Variants in SLC24A2 observed in about 807,000 individuals in gnomAD.
The protein encoded by SLC24A2 is sodium/potassium/calcium exchanger 2.
Under a neutral mutation model 62.0 loss-of-function variants are expected in SLC24A2, and 36 were observed. The observed-to-expected ratio is 0.58, with a 90% confidence interval of 0.44 to 0.77. SLC24A2 has a LOEUF of 0.77. Ranked by LOEUF, SLC24A2 falls within the 30% of genes least tolerant of loss-of-function variation. SLC24A2 has a pLI of 0.00. For synonymous variants in SLC24A2, 358 were observed against 294.0 expected (o/e 1.22, Z -2.23); for missense variants, 846 against 817.9 (o/e 1.03, Z -0.42).
At chr9:20,221,672 T>C in the SLC24A2 span, among the ~76,000 whole-genome samples, 2 of 151,980 alleles carry the variant, frequency 1.3e-5, no homozygotes, top group Non-Finnish European at 2.9e-5. Flanking sequence ...AGATACACTG[T>C]AACAAACCGG....
chr9:19,597,288 T>A lies in SLC24A2; in HGVS notation c.1079-9A>T. The A allele has an allele frequency of 6.5e-7, 1 of 1,546,148 alleles. No individual in the cohort carries two copies. Among genetic ancestry groups the A allele is most frequent in the Non-Finnish European group, 8.9e-7 (1 of 1,118,278 alleles). On this transcript the variant is annotated splice_polypyrimidine_tract_variant and intron_variant, in intron 4 of 10. Coordinates refer to ENST00000341998, the MANE Select transcript of SLC24A2 (RefSeq NM_020344.4). Reference sequence around the variant, plus strand: ...TCCATATGATCCAAGTTCTACAACATCACAGTAAAAGACACAAAGATAAGG... The same window carrying A: ...TCCATATGATCCAAGTTCTACAACAACACAGTAAAAGACACAAAGATAAGG...
chr9:20,274,208 T>C, the SLC24A2 span, among the ~76,000 whole-genome samples: 1 of 152,080 alleles, frequency 6.6e-6, no homozygotes, highest in Non-Finnish European at 1.5e-5. Flanking sequence ...ATGCCAGCTG[T>C]TGTGGCTTCA....
At chr9:20,086,888 C>T in the SLC24A2 span, among the ~76,000 whole-genome samples, 1 of 152,214 alleles carries the variant, frequency 6.6e-6, no homozygotes, top group Non-Finnish European at 1.5e-5. Flanking sequence ...TCTTGAGCCA[C>T]ACTTACAAGA....
intron 2 of SLC24A2, among the ~76,000 whole-genome samples, chr9:19,694,857 T>G (rs542016159): frequency 2.0e-5 from 3 of 152,250 alleles, no homozygotes; most frequent in African/African-American, 7.2e-5. Context: ...AGGGCAAGCA[T>G]GGCATACAGA....
the SLC24A2 span, among the ~76,000 whole-genome samples, chr9:20,035,053 C>T: frequency 6.8e-6 from 1 of 147,512 alleles, no homozygotes; most frequent in South Asian, 2.1e-4. Flanking sequence ...GAAAAAAGTA[C>T]CATATTATTA....
the SLC24A2 span, among the ~76,000 whole-genome samples, chr9:19,943,686 C>T: frequency 6.6e-6 from 1 of 152,180 alleles, no homozygotes; most frequent in East Asian, 1.9e-4. Context: ...ACCCAAGACA[C>T]AGAATGGTAT....
chr9:19,795,393 TC>T, the SLC24A2 span, among the ~76,000 whole-genome samples: 3 of 151,874 alleles, frequency 2.0e-5, no homozygotes, highest in Non-Finnish European at 4.4e-5. Flanking sequence ...CACTTGCCTC[TC>T]TTTTTGCTCA....
At chr9:19,826,586 A>T in the SLC24A2 span, among the ~76,000 whole-genome samples, 3 of 152,188 alleles carry the variant, frequency 2.0e-5, no homozygotes, top group African/African-American at 7.2e-5. Context: ...TCTGCCTGCA[A>T]GTTGGCCCCT....
chr9:19,756,572 G>T (rs1373029628), intron 2 of SLC24A2, among the ~76,000 whole-genome samples: 1 of 152,154 alleles, frequency 6.6e-6, no homozygotes, highest in East Asian at 1.9e-4. Context: ...GTTGTCAGAA[G>T]TCCAGGCCCA....
chr9:20,024,880 G>T, the SLC24A2 span, among the ~76,000 whole-genome samples: 1 of 152,070 alleles, frequency 6.6e-6, no homozygotes, highest in African/African-American at 2.4e-5. Context: ...GACATCTGTT[G>T]ACTTACTGAG....
the SLC24A2 span, among the ~76,000 whole-genome samples, chr9:20,239,003 GCT>G: frequency 6.6e-6 from 1 of 152,190 alleles, no homozygotes; most frequent in Admixed American, 6.5e-5. Context: ...CAGGAAGAGA[GCT>G]CTCACCAGAA....
intron 7 of SLC24A2, among the ~76,000 whole-genome samples, chr9:19,570,843 C>A (rs781598581): frequency 1.3e-5 from 2 of 152,126 alleles, no homozygotes; most frequent in African/African-American, 2.4e-5. Flanking sequence ...GCCATGGTGA[C>A]CTGCAGGCCC....
intron 2 of SLC24A2, among the ~76,000 whole-genome samples, chr9:19,655,915 T>G (rs1173935755): frequency 1.3e-5 from 2 of 152,124 alleles, no homozygotes; most frequent in Non-Finnish European, 1.5e-5. Context: ...CTTGACAATC[T>G]CATGTTTAAC....
chr9:19,751,428 G>GT (rs750732290), intron 2 of SLC24A2, among the ~76,000 whole-genome samples: 8 of 152,140 alleles, frequency 5.3e-5, no homozygotes, highest in Non-Finnish European at 1.0e-4. Context: ...AAAGTCTTGA[G>GT]TGGGTTCCAG....
At chr9:19,796,996 CT>C in the SLC24A2 span, among the ~76,000 whole-genome samples, 4 of 152,038 alleles carry the variant, frequency 2.6e-5, no homozygotes, top group Admixed American at 1.3e-4. Context: ...TTGCCTAGTC[CT>C]CTAATTAAGG....
the SLC24A2 span, among the ~76,000 whole-genome samples, chr9:20,091,645 A>C: frequency 1.3e-5 from 2 of 152,214 alleles, no homozygotes; most frequent in African/African-American, 4.8e-5. Flanking sequence ...CTTTCAGATA[A>C]GGATAAGCAA....
the SLC24A2 span, among the ~76,000 whole-genome samples, chr9:20,170,752 C>T: frequency 6.6e-6 from 1 of 151,906 alleles, no homozygotes; most frequent in Admixed American, 6.6e-5. Context: ...AATCAGTGTT[C>T]CTGAGGAAGA....
At chr9:20,150,643 T>G in the SLC24A2 span, among the ~76,000 whole-genome samples, 1 of 151,964 alleles carries the variant, frequency 6.6e-6, no homozygotes, top group African/African-American at 2.4e-5. Flanking sequence ...CAAATATTTG[T>G]GAATAATGAT....
chr9:19,742,037 A>C (rs2037016938), intron 2 of SLC24A2, among the ~76,000 whole-genome samples: 1 of 152,190 alleles, frequency 6.6e-6, no homozygotes, highest in Admixed American at 6.5e-5. Context: ...TCACAGGTTC[A>C]CACTATTTCT....
Sources: allele counts gnomAD v4.1 joint callset (sites outside exome capture counted in the v4.1 genomes callset), GRCh38; gene constraint gnomAD v4.1.1; transcripts MANE v1.5; gene names NCBI Gene and HGNC (gene_info 2026-07-23, HGNC 2026-07-21).